ADGB: variants seen among roughly 807,000 people sequenced by gnomAD.
ADGB encodes calpain-7-like protein.
Under a neutral mutation model 210.5 loss-of-function variants are expected in ADGB, and 172 were observed. The observed-to-expected ratio is 0.82, with a 90% CI of 0.72 to 0.93. ADGB has a LOEUF of 0.93. Among genes scored for constraint, ADGB ranks in the 40% least tolerant of loss-of-function variants. The pLI is 0.00. For synonymous variants in ADGB, 658 were observed against 662.7 expected (o/e 0.99, Z 0.11); for missense variants, 2,025 against 1,964.8 (o/e 1.03, Z -0.58).
intron 28 of ADGB, among the ~76,000 whole-genome samples, chr6:146,767,987 G>C (rs1777600927): frequency 6.6e-6 from 1 of 152,128 alleles, no homozygotes; most frequent in Admixed American, 6.5e-5. Context: ...AATAATAGCA[G>C]CAACAAAATC....
chr6:146,744,359 C>G (rs1361755340), intron 25 of ADGB, among the ~76,000 whole-genome samples: 1 of 152,162 alleles, frequency 6.6e-6, no homozygotes, highest in Non-Finnish European at 1.5e-5. Context: ...CTGACCCATA[C>G]GAAATTCACC....
chr6:146,723,702 A>T (rs916207822), intron 17 of ADGB, among the ~76,000 whole-genome samples: 2 of 152,208 alleles, frequency 1.3e-5, no homozygotes, highest in Admixed American at 1.3e-4. Flanking sequence ...GCACCACTGC[A>T]CTTCAGCTTG....
At chr6:146,701,727 A>G (rs1776492776) in intron 13 of ADGB, among the ~76,000 whole-genome samples, 1 of 152,040 alleles carries the variant, frequency 6.6e-6, no homozygotes, top group Non-Finnish European at 1.5e-5. Flanking sequence ...AGAATTATTG[A>G]TAAGGAACAT....
intron 5 of ADGB, among the ~76,000 whole-genome samples, chr6:146,661,225 T>C (rs868170747): frequency 0.025 from 3,671 of 144,634 alleles, 128 homozygotes; most frequent in African/African-American, 0.086. Context: ...TTTTTCTTTT[T>C]TTTTTTTTTT....
chr6:146,675,176 G>A (rs888437115), intron 8 of ADGB, among the ~76,000 whole-genome samples: 11 of 151,958 alleles, frequency 7.2e-5, no homozygotes, highest in Admixed American at 1.3e-4. Context: ...GATATGGGCC[G>A]GGCATAGTTG....
At chr6:146,744,536 C>A (rs904579603) in intron 25 of ADGB, among the ~76,000 whole-genome samples, 3 of 152,194 alleles carry the variant, frequency 2.0e-5, no homozygotes, top group Admixed American at 1.3e-4. Context: ...ATGAGACATG[C>A]TTTTTATGAG....
intron 16 of ADGB, among the ~76,000 whole-genome samples, chr6:146,718,283 G>T (rs1490952555): frequency 6.8e-6 from 1 of 146,474 alleles, no homozygotes; most frequent in East Asian, 2.1e-4. Context: ...GGAGGCAGAG[G>T]TTGCAGTGAG....
intron 3 of ADGB, among the ~76,000 whole-genome samples, chr6:146,651,060 G>T (rs1163685752): frequency 6.6e-6 from 1 of 152,166 alleles, no homozygotes; most frequent in Non-Finnish European, 1.5e-5. Context: ...TGACTTCCCA[G>T]ATGTTGCTTT....
chr6:146,678,608 CT>C lies in ADGB; in HGVS notation c.1216+2168del, dbSNP rs544623357. 2.8e-4 allele frequency among the ~76,000 whole-genome samples: 43 copies of C among 152,218 alleles called. No homozygotes were observed. The South Asian group carries it at 8.7e-3, about 31-fold the overall frequency. ...ACTGAAAATCTAATATAAAGAACCCCTGTTTTATTAATTTTTTCAAAGTAGC... is the reference window on the plus strand; with the variant it reads ...ACTGAAAATCTAATATAAAGAACCCCGTTTTATTAATTTTTTCAAAGTAGC... On this transcript the variant is annotated intron_variant, in intron 9 of 35. Transcript: ENST00000397944.
intron 22 of ADGB, 61 bp downstream of exon 22, chr6:146,734,091 T>G: frequency 6.7e-7 from 1 of 1,490,220 alleles, no homozygotes; most frequent in South Asian, 1.3e-5. Context: ...TATTTATGTG[T>G]GTTAATGAAA....
At chr6:146,637,887 A>G (rs1176307699) in intron 2 of ADGB, among the ~76,000 whole-genome samples, 2 of 152,034 alleles carry the variant, frequency 1.3e-5, no homozygotes, top group Admixed American at 6.6e-5. Context: ...AACTCATTCC[A>G]TGAGAACATC....
At chr6:146,801,595 G>C (rs1479717654) in intron 34 of ADGB, among the ~76,000 whole-genome samples, 1 of 152,194 alleles carries the variant, frequency 6.6e-6, no homozygotes, top group African/African-American at 2.4e-5. Context: ...TCATCAAGTG[G>C]TGAATCCAAA....
Position 146,784,732 on chromosome 6 carries a change from G to A in ADGB, c.4150G>A (p.Ala1384Thr), listed in dbSNP as rs1777849075. 6.4e-7 allele frequency: 1 copy of A among 1,550,946 alleles called. No individual in the cohort carries two copies. Among genetic ancestry groups the A allele is most frequent in the African/African-American group, 1.4e-5 (1 of 72,960 alleles). Residue 1384 changes from alanine (A) to threonine (T), a missense_variant, in exon 31 of 36, where the codon GCA becomes ACA. Physicochemically the swap from Ala to Thr is moderately conservative, Grantham distance 58. Coordinates refer to ENST00000397944, the MANE Select transcript of ADGB (RefSeq NM_024694.4). ...LFEVKKDTER[A>T]DEIRAMKQAW... ...TGAAGTGAAAAAGGATACAGAAAGG[G>A]CAGATGAAATCCGAGCCATGAAACA...
chr6:146,694,534 C>T (rs942801917), intron 12 of ADGB, among the ~76,000 whole-genome samples: 1 of 152,184 alleles, frequency 6.6e-6, no homozygotes, highest in Non-Finnish European at 1.5e-5. Flanking sequence ...AGTATATACA[C>T]ACCTTCAGAC....
At chr6:146,643,318 C>T (rs940004724) in intron 2 of ADGB, among the ~76,000 whole-genome samples, 4 of 152,004 alleles carry the variant, frequency 2.6e-5, no homozygotes, top group South Asian at 2.1e-4. Context: ...CAGGCCACAC[C>T]GGCCTTAGGG....
chr6:146,685,486 T>C (rs900862068), intron 9 of ADGB, among the ~76,000 whole-genome samples: 4 of 152,050 alleles, frequency 2.6e-5, no homozygotes, highest in African/African-American at 4.8e-5. Context: ...TAATAACTCT[T>C]GTTCATGAGG....
At chr6:146,600,928 A>G (rs12215010) in intron 1 of ADGB, among the ~76,000 whole-genome samples, 150 of 4,080 alleles carry the variant, frequency 0.037, no homozygotes, top group Non-Finnish European at 0.063. Context: ...CCCCATGCGC[A>G]CACACACACA....
At chr6:146,618,474 T>C (rs144475430) in intron 1 of ADGB, among the ~76,000 whole-genome samples, 33 of 152,068 alleles carry the variant, frequency 2.2e-4, no homozygotes, top group Non-Finnish European at 4.3e-4. Context: ...TTGGTCTTTC[T>C]ACTTTTTTGA....
At chr6:146,785,032 G>C (rs1341399662) in intron 31 of ADGB, among the ~76,000 whole-genome samples, 1 of 152,066 alleles carries the variant, frequency 6.6e-6, no homozygotes, top group African/African-American at 2.4e-5. Flanking sequence ...CCAATTATAG[G>C]CCCACACTAT....
Sources: gnomAD v4.1 joint callset for allele counts (sites outside exome capture counted in the v4.1 genomes callset) on GRCh38, gnomAD v4.1.1 for gene constraint, MANE v1.5 for transcripts, NCBI Gene and HGNC (gene_info 2026-07-23, HGNC 2026-07-21) for gene names.